LRRC37A2: variants seen among roughly 807,000 people sequenced by gnomAD.
LRRC37A2 encodes leucine-rich repeat-containing protein 37A2.
A neutral mutation model predicts 68.8 loss-of-function variants in LRRC37A2; 9 were observed. The observed-to-expected ratio is 0.13, with a 90% CI of 0.08 to 0.23. The LOEUF is 0.23. Ranked by LOEUF, LRRC37A2 falls within the 10% of genes least tolerant of loss-of-function variation. The pLI is 1.00. For missense variants in LRRC37A2, 168 were observed against 950.4 expected (o/e 0.18, Z 10.82); for synonymous variants, 63 against 367.6 (o/e 0.17, Z 9.48).
chr17:46,493,821 G>A, the LRRC37A2 span, among the ~76,000 whole-genome samples: 1 of 150,722 alleles, frequency 6.6e-6, no homozygotes, highest in Non-Finnish European at 1.5e-5. Flanking sequence ...ACAGGCGTGA[G>A]CCACCACACC....
the LRRC37A2 span, among the ~76,000 whole-genome samples, chr17:46,951,847 A>G: frequency 6.6e-6 from 1 of 152,148 alleles, no homozygotes; most frequent in African/African-American, 2.4e-5. Context: ...CAGCCTTGCA[A>G]GAAAATCTGG....
chr17:46,703,697 A>C, the LRRC37A2 span, among the ~76,000 whole-genome samples: 30 of 151,418 alleles, frequency 2.0e-4, no homozygotes, highest in South Asian at 8.3e-4. Context: ...AAAAAAAAAA[A>C]AAAAAAACAA....
chr17:46,728,387 G>A, the LRRC37A2 span, among the ~76,000 whole-genome samples: 4 of 151,986 alleles, frequency 2.6e-5, no homozygotes, highest in African/African-American at 9.7e-5. Flanking sequence ...AATACACCTG[G>A]AATTTTTTTT....
chr17:46,684,959 G>A, the LRRC37A2 span, among the ~76,000 whole-genome samples: 1 of 96,834 alleles, frequency 1.0e-5, no homozygotes, highest in Non-Finnish European at 2.0e-5. Context: ...AGATCCAAAT[G>A]GCAATTGTAA....
chr17:46,768,486 T>C, the LRRC37A2 span: 37 of 1,613,968 alleles, frequency 2.3e-5, no homozygotes, highest in Non-Finnish European at 3.1e-5. The surrounding 1 kb of genome is among the most constrained non-coding windows in gnomAD (Gnocchi z 5.0). Context: ...GGAGGTGACA[T>C]TGCAAGTCCG....
At chr17:46,809,848 C>A in the LRRC37A2 span, among the ~76,000 whole-genome samples, 1 of 152,156 alleles carries the variant, frequency 6.6e-6, no homozygotes, top group Non-Finnish European at 1.5e-5. Flanking sequence ...AGGACCCCTA[C>A]AGGAAGGAGC....
At chr17:46,940,399 G>A in the LRRC37A2 span, 5 of 1,565,854 alleles carry the variant, frequency 3.2e-6, no homozygotes, top group East Asian at 2.3e-5. Flanking sequence ...GGGGGTTGCA[G>A]CATCTTTAGA....
chr17:46,727,478 A>T, the LRRC37A2 span, among the ~76,000 whole-genome samples: 3 of 152,246 alleles, frequency 2.0e-5, no homozygotes, highest in East Asian at 5.8e-4. Context: ...TAAGCTGTCC[A>T]TAATGGTGTA....
At chr17:46,763,831 C>CAAAAAAAAAAAAAAAAAA in the LRRC37A2 span, 1 of 123,716 alleles carries the variant, frequency 8.1e-6, no homozygotes, top group South Asian at 2.6e-4. Flanking sequence ...CCACTACCAC[C>CAAAAAAAAAAAAAAAAAA]AAAAAAAAAA....
At chr17:46,945,920 G>C in the LRRC37A2 span, among the ~76,000 whole-genome samples, 4 of 152,278 alleles carry the variant, frequency 2.6e-5, no homozygotes, top group South Asian at 8.3e-4. Flanking sequence ...TGCATGGAGT[G>C]GGTATAAATT....
At chr17:46,972,430 AT>A in the LRRC37A2 span, among the ~76,000 whole-genome samples, 465 of 152,332 alleles carry the variant, frequency 3.1e-3, 4 homozygotes, top group African/African-American at 9.2e-3. Context: ...ACAGGAAAGG[AT>A]TCCCAGCAAA....
At chr17:46,502,785 A>G in the LRRC37A2 span, among the ~76,000 whole-genome samples, 68 of 151,394 alleles carry the variant, frequency 4.5e-4, 7 homozygotes, top group African/African-American at 1.6e-3. Context: ...AACTGTGGCA[A>G]TGTTATCCAA....
At chr17:46,993,637 T>C in the LRRC37A2 span, among the ~76,000 whole-genome samples, 1 of 152,256 alleles carries the variant, frequency 6.6e-6, no homozygotes, top group Non-Finnish European at 1.5e-5. Flanking sequence ...AATTTTTCTG[T>C]GTTCCCTAGA....
the LRRC37A2 span, among the ~76,000 whole-genome samples, chr17:46,987,813 G>A: frequency 2.0e-5 from 3 of 152,232 alleles, no homozygotes; most frequent in Non-Finnish European, 2.9e-5. Flanking sequence ...TGAAGTATGT[G>A]TGCATGCTAT....
chr17:46,896,452 A>AAGAAAGAGAAAGAAAG, the LRRC37A2 span, among the ~76,000 whole-genome samples: 13 of 65,880 alleles, frequency 2.0e-4, no homozygotes, highest in South Asian at 1.2e-3. Context: ...GAAAGAAAGA[A>AAGAAAGAGAAAGAAAG]AAAGAAAGAA....
the LRRC37A2 span, among the ~76,000 whole-genome samples, chr17:46,494,998 A>G: frequency 6.7e-6 from 1 of 150,018 alleles, no homozygotes; most frequent in Non-Finnish European, 1.5e-5. Context: ...CCCGGTAACC[A>G]TCATTCTACT....
chr17:46,883,758 G>T, the LRRC37A2 span, among the ~76,000 whole-genome samples: 2 of 152,292 alleles, frequency 1.3e-5, no homozygotes, highest in East Asian at 3.9e-4. Context: ...GATTCAGGGC[G>T]ACTGGTGGCA....
the LRRC37A2 span, among the ~76,000 whole-genome samples, chr17:47,023,392 A>T: frequency 9.2e-5 from 14 of 152,236 alleles, no homozygotes; most frequent in Admixed American, 9.2e-4. Context: ...GTTCTAAATT[A>T]AAAATAAACA....
intron 6 of LRRC37A2, among the ~76,000 whole-genome samples, chr17:46,533,529 T>A (rs1403852558): frequency 2.9e-5 from 4 of 139,944 alleles, no homozygotes; most frequent in Non-Finnish European, 6.0e-5. Flanking sequence ...TGGGACAGAG[T>A]CTCACTCTGT....
Sources: allele counts gnomAD v4.1 joint callset (sites outside exome capture counted in the v4.1 genomes callset), GRCh38; gene constraint gnomAD v4.1.1; non-coding constraint Gnocchi (gnomAD v3.1); transcripts MANE v1.5; gene names NCBI Gene and HGNC (gene_info 2026-07-23, HGNC 2026-07-21).